SLC45A1: variants seen among roughly 807,000 people sequenced by gnomAD.
The protein encoded by SLC45A1 is proton-associated sugar transporter A.
SLC45A1 carries 28 observed loss-of-function variants against 57.6 expected under a neutral mutation model. The ratio of observed to expected loss-of-function variants is 0.49; its 90% CI spans 0.36 to 0.67. The LOEUF is 0.67. Ranked by LOEUF, SLC45A1 falls within the 30% of genes least tolerant of loss-of-function variation. The pLI is 0.00. For missense variants in SLC45A1, 814 were observed against 1,041.5 expected (o/e 0.78, Z 3.01); for synonymous variants, 459 against 471.5 (o/e 0.97, Z 0.34).
At chr1:8,321,358 C>T (rs996582867) in intron 1 of SLC45A1, among the ~76,000 whole-genome samples, 1 of 152,184 alleles carries the variant, frequency 6.6e-6, no homozygotes, top group Non-Finnish European at 1.5e-5. Context: ...ACAGGAGACT[C>T]TGTCTCTGCT....
In SLC45A1 at chr1:8,343,588, A is replaced by G. The variant is rs1165886268; in HGVS notation, c.1981-159A>G. Among the ~76,000 whole-genome samples, 2 of 152,154 alleles carry G rather than the reference A, an allele frequency of 1.3e-5. No homozygotes were observed. The highest frequency in any genetic ancestry group is 2.9e-5 in the Non-Finnish European group (2 of 68,030). ...CATCTCTCCGAACACAAATATTGTT[A>G]AACTCTTGGCTGAACTCCCTGTGCA... On this transcript the variant is annotated intron_variant, in intron 8 of 8. Coordinates refer to ENST00000471889, the MANE Select transcript of SLC45A1 (RefSeq NM_001080397.3). This position sits in a 1 kb window ranked among gnomAD's most constrained non-coding sequence, Gnocchi z 7.7.
chr1:8,330,556 G>A lies in SLC45A1; in HGVS notation c.1063G>A (p.Asp355Asn). 1 of 1,613,386 alleles carries A rather than the reference G, an allele frequency of 6.2e-7. No individual in the cohort carries two copies. Among genetic ancestry groups the A allele is most frequent in the Non-Finnish European group, 8.5e-7 (1 of 1,179,980 alleles). The change falls in exon 5 of 9, where the codon GAC (aspartate) becomes AAC (asparagine). Residue 355 changes from aspartate to asparagine, a missense_variant. By Grantham distance (23) the Asp-to-Asn change is conservative. Coordinates refer to ENST00000471889, the MANE Select transcript of SLC45A1 (RefSeq NM_001080397.3). This position sits in a 1 kb window ranked among gnomAD's most constrained non-coding sequence, Gnocchi z 8.4. ...CAAGTACGGCAGCTTCATCAGCAGG[G>A]ACAGCTCCCTGACGGGCATCAGCGA... ...TPKYGSFISR[D>N]SSLTGISEFA...
At chr1:8,329,342 C>G (rs925888945) in intron 4 of SLC45A1, among the ~76,000 whole-genome samples, 1 of 152,238 alleles carries the variant, frequency 6.6e-6, no homozygotes, top group African/African-American at 2.4e-5. Context: ...CTCCTCTCCT[C>G]TCAACACTAG....
chr1:8,320,463 C>T (rs373144140), intron 1 of SLC45A1, among the ~76,000 whole-genome samples: 7 of 152,114 alleles, frequency 4.6e-5, no homozygotes, highest in South Asian at 2.1e-4. Flanking sequence ...GGCAACATGG[C>T]GAAACCCCAT....
At chr1:8,323,351 C>T (rs956982987) in intron 1 of SLC45A1, among the ~76,000 whole-genome samples, 4 of 151,866 alleles carry the variant, frequency 2.6e-5, no homozygotes, top group African/African-American at 4.8e-5. Flanking sequence ...ATTAGCTGGG[C>T]GTGGTGGGGG....
Position 8,321,994 on chromosome 1 carries a change from G to GATGC in SLC45A1, c.-24-2309_-24-2308insCATG, listed in dbSNP as rs1357667938. On this transcript the variant is annotated intron_variant, in intron 1 of 8. Coordinates refer to ENST00000471889, the MANE Select transcript of SLC45A1 (RefSeq NM_001080397.3). ...GGATGAGTGGATGGGTGGGTGGATG[G>GATGC]ATGGATGGATGGATGGATGGATGGA... 1.6e-4 allele frequency among the ~76,000 whole-genome samples: 6 copies of GATGC among 38,310 alleles called. No individual in the cohort carries two copies. In the Admixed American group the frequency reaches 1.8e-3, roughly 11 times the overall value. 25.1% of individuals were successfully genotyped at this position (38,310 alleles called of 152,430 possible). A position where few individuals can be genotyped will look rare whatever the true frequency, so the allele number is the denominator to read the frequency against.
At position 8,324,504 on chromosome 1, in the gene SLC45A1, T is replaced by TGCCCCCCCC; in HGVS notation, c.175_176insGCCCCCCCC (p.Ser59delinsCysProProPro). 9.8e-6 allele frequency: 15 copies of TGCCCCCCCC among 1,528,630 alleles called. No homozygotes were observed. The highest frequency in any genetic ancestry group is 1.4e-5 in the Non-Finnish European group (15 of 1,108,714). 94.7% of individuals were successfully genotyped at this position (1,528,630 alleles called of 1,614,324 possible). A position where few individuals can be genotyped will look rare whatever the true frequency, so the allele number is the denominator to read the frequency against. On this transcript the variant is annotated protein_altering_variant, in exon 2 of 9. Coordinates refer to ENST00000471889, the MANE Select transcript of SLC45A1 (RefSeq NM_001080397.3). Reference sequence around the variant, plus strand: ...CAAGAGGAGGAAGTGCATTCGTCCCTCCCCACCCCCGCCCCCCAACACCCC... The same window carrying TGCCCCCCCC: ...CAAGAGGAGGAAGTGCATTCGTCCCTGCCCCCCCCCCCCACCCCCGCCCCCCAACACCCC...
rs1018270725 is a variant in SLC45A1 at position 8,343,427 on chromosome 1, C to G, written c.1981-320C>G. The stretch of plus-strand genomic sequence containing the variant: ...TGGCAGGAGTGGAGCGGTCGCCTGG[C>G]TGGGCAGATTGGTTTTCTTTGGGTG... On this transcript the variant is annotated intron_variant, in intron 8 of 8. Coordinates refer to ENST00000471889, the MANE Select transcript of SLC45A1 (RefSeq NM_001080397.3). The surrounding 1 kb of genome is among the most constrained non-coding windows in gnomAD (Gnocchi z 7.7). Among the ~76,000 whole-genome samples, 20 of 152,166 alleles carry G rather than the reference C, an allele frequency of 1.3e-4. No homozygotes were observed. Among genetic ancestry groups the G allele is most frequent in the African/African-American group, 4.8e-4 (20 of 41,444 alleles).
At chr1:8,321,369 A>G (rs1313802733) in intron 1 of SLC45A1, among the ~76,000 whole-genome samples, 2 of 110,632 alleles carry the variant, frequency 1.8e-5, no homozygotes, top group East Asian at 3.5e-4. Context: ...TGTCTCTGCT[A>G]TATCACTCCC....
chr1:8,319,803 A>C (rs1232487864), intron 1 of SLC45A1, among the ~76,000 whole-genome samples: 1 of 151,770 alleles, frequency 6.6e-6, no homozygotes, highest in Non-Finnish European at 1.5e-5. Context: ...TACAACCTCC[A>C]CCTCCTGGGT....
At position 8,328,285 on chromosome 1, in the gene SLC45A1, G is replaced by A. The variant is rs1034997830; in HGVS notation, c.716-1924G>A. 2.0e-5 allele frequency: 3 copies of A among 152,214 alleles called. No individual in the cohort carries two copies. Among genetic ancestry groups the A allele is most frequent in the Admixed American group, 6.5e-5 (1 of 15,286 alleles). The allele number at this position is 152,214 out of a possible 1,614,324, so 9.4% of individuals were successfully genotyped here. ...AATGAAGAGGCTGGGTCACCCAGTG[G>A]TTAGGGGCTCGGGCTCTGGGAGCTG... On this transcript the variant is annotated intron_variant, in intron 4 of 8. Coordinates refer to ENST00000471889, the MANE Select transcript of SLC45A1 (RefSeq NM_001080397.3). This position sits in a 1 kb window ranked among gnomAD's most constrained non-coding sequence, Gnocchi z 4.6.
intron 1 of SLC45A1, among the ~76,000 whole-genome samples, chr1:8,319,982 T>G (rs1639950563): frequency 6.6e-6 from 1 of 152,184 alleles, no homozygotes; most frequent in African/African-American, 2.4e-5. Context: ...CCTCCCAAAG[T>G]GCTGGCATTA....
chr1:8,323,361 G>A (rs889787851), intron 1 of SLC45A1, among the ~76,000 whole-genome samples: 6 of 151,726 alleles, frequency 4.0e-5, no homozygotes, highest in African/African-American at 1.5e-4. Flanking sequence ...CGTGGTGGGG[G>A]GTGCCTGTAA....
At chr1:8,332,466 A>G (rs1017026901) in intron 5 of SLC45A1, among the ~76,000 whole-genome samples, 13 of 151,552 alleles carry the variant, frequency 8.6e-5, no homozygotes, top group Non-Finnish European at 1.5e-4. Context: ...TATACGTCAG[A>G]TGGGCTGCAA....
chr1:8,322,677 A>G (rs991197584), intron 1 of SLC45A1, among the ~76,000 whole-genome samples: 1 of 152,168 alleles, frequency 6.6e-6, no homozygotes, highest in Non-Finnish European at 1.5e-5. Flanking sequence ...AAAGTGGCTT[A>G]CTTTTGAAGC....
chr1:8,323,821 G>A (rs767269017), intron 1 of SLC45A1, among the ~76,000 whole-genome samples: 1 of 152,216 alleles, frequency 6.6e-6, no homozygotes, highest in African/African-American at 2.4e-5. Context: ...TGGTGACAGA[G>A]GAGCTGTCCC....
chr1:8,340,398 A>G (rs1008174596), intron 8 of SLC45A1, among the ~76,000 whole-genome samples: 3 of 151,878 alleles, frequency 2.0e-5, no homozygotes, highest in Non-Finnish European at 2.9e-5. Flanking sequence ...TCTTGACCTC[A>G]TGATCCGCCC....
chr1:8,342,119 A>G (rs750683973), intron 8 of SLC45A1, among the ~76,000 whole-genome samples: 3 of 152,188 alleles, frequency 2.0e-5, no homozygotes, highest in East Asian at 1.9e-4. Flanking sequence ...AGGCAGAAGA[A>G]TGGCGTGAAC....
chr1:8,334,928 G>A (rs1175373593), intron 5 of SLC45A1, among the ~76,000 whole-genome samples: 1 of 151,986 alleles, frequency 6.6e-6, no homozygotes, highest in Admixed American at 6.6e-5. Context: ...TGTGCTCTCT[G>A]AGCCCCTGTC....
Sources: gnomAD v4.1 joint callset for allele counts (sites outside exome capture counted in the v4.1 genomes callset) on GRCh38, gnomAD v4.1.1 for gene constraint, Gnocchi (gnomAD v3.1) non-coding constraint, MANE v1.5 for transcripts, NCBI Gene and HGNC (gene_info 2026-07-23, HGNC 2026-07-21) for gene names.